The following STXBP6 variants were observed in gnomAD, a reference collection of about 807,000 sequenced individuals.
STXBP6 encodes syntaxin-binding protein 6.
A neutral mutation model predicts 26.9 loss-of-function variants in STXBP6; 21 were observed. The observed-to-expected ratio is 0.78, with a 90% CI of 0.55 to 1.12. The LOEUF (loss-of-function observed/expected upper bound fraction) is 1.12, where lower values mean the gene tolerates loss of function less well. Among genes scored for constraint, STXBP6 ranks in the 50% most tolerant of loss-of-function variants. STXBP6 has a pLI of 0.00. For synonymous variants in STXBP6, 97 were observed against 92.6 expected, an observed-to-expected ratio of 1.05 and a Z score of -0.27; for missense variants, 232 against 257.9, an observed-to-expected ratio of 0.90 and a Z score of 0.69.
At chr14:24,969,393 A>C (rs979957950) in intron 2 of STXBP6, among the ~76,000 whole-genome samples, 2 of 152,232 alleles carry the variant, frequency 1.3e-5, no homozygotes, top group African/African-American at 2.4e-5. Context: ...TTTAAACATG[A>C]AATTACAGAA....
At chr14:24,817,912 G>C in intron 5 of STXBP6, 1 of 391,650 alleles carries the variant, frequency 2.6e-6, no homozygotes, top group South Asian at 1.9e-5. Flanking sequence ...CTGTGCAAAG[G>C]GGATGCAGGA....
chr14:25,009,584 A>G (rs2074984666), intron 1 of STXBP6, among the ~76,000 whole-genome samples: 1 of 152,196 alleles, frequency 6.6e-6, no homozygotes, highest in Non-Finnish European at 1.5e-5. Context: ...CAAAGTGAGG[A>G]GCACGCCATC....
At chr14:24,981,032 T>G (rs2074177829) in intron 1 of STXBP6, among the ~76,000 whole-genome samples, 1 of 152,212 alleles carries the variant, frequency 6.6e-6, no homozygotes, top group Admixed American at 6.5e-5. Flanking sequence ...AGCCACTATC[T>G]TTGGGTTTTC....
chr14:25,005,753 G>T lies in STXBP6; in HGVS notation c.-32-30903C>A, dbSNP rs1024904868. Among the ~76,000 whole-genome samples, 5 of 150,244 alleles carry T rather than the reference G, an allele frequency of 3.3e-5. 1 individual carries two copies. The South Asian group carries it at 8.4e-4, about 25-fold the overall frequency. ...AAGTGATGAAAAAATAAAATACATA[G>T]CATAGTGAACTGTAAAAAATAATTC... On this transcript the variant is annotated intron_variant, in intron 1 of 5. Transcript: ENST00000323944.
Position 25,049,987 on chromosome 14 carries a change from G to A in STXBP6, c.-142C>T, listed in dbSNP as rs1225427640. ...CGCGGGGCTCCGGGCTCCGGACAAG[G>A]CTTAGCCGGCCCGGGTGCTGGCTCG... On this transcript the variant is annotated 5_prime_UTR_variant, in exon 1 of 6. Transcript: ENST00000323944. The surrounding 1 kb of genome is among the most constrained non-coding windows in gnomAD (Gnocchi z 5.6). 5 of 627,340 alleles carry A rather than the reference G, an allele frequency of 8.0e-6. No homozygotes were observed. Among genetic ancestry groups the A allele is most frequent in the Middle Eastern group, 8.0e-4 (1 of 1,256 alleles). 38.9% of individuals were successfully genotyped at this position (627,340 alleles called of 1,614,324 possible).
rs534791195 is a variant in STXBP6 at position 24,853,296 on chromosome 14, T to C, written c.451+2640A>G. Among the ~76,000 whole-genome samples the C allele has an allele frequency of 2.0e-5, 3 of 152,228 alleles. No individual in the cohort carries two copies. The South Asian group carries it at 6.2e-4, about 32-fold the overall frequency. On this transcript the variant is annotated intron_variant, in intron 4 of 5. Transcript: ENST00000323944. ...TTTGAAGTCTCAGAAGTGTGATAGC[T>C]GGCAGAAAAGAAGACTAATCGGCAT...
At chr14:24,945,119 T>C (rs1396369619) in intron 2 of STXBP6, among the ~76,000 whole-genome samples, 2 of 141,406 alleles carry the variant, frequency 1.4e-5, no homozygotes, top group Non-Finnish European at 3.1e-5. Context: ...AACTTTGGCA[T>C]GTATATGAAC....
intron 2 of STXBP6, among the ~76,000 whole-genome samples, chr14:24,897,719 TA>T (rs1424669869): frequency 3.0e-4 from 46 of 152,284 alleles, no homozygotes; most frequent in Non-Finnish European, 5.9e-5. Flanking sequence ...AGAGGTTTAG[TA>T]GGCTCTTGAT....
At chr14:25,028,386 T>C (rs902441395) in intron 1 of STXBP6, among the ~76,000 whole-genome samples, 2 of 152,140 alleles carry the variant, frequency 1.3e-5, no homozygotes, top group African/African-American at 4.8e-5. Context: ...CCCTTAAGCA[T>C]TATCCTAAAT....
chr14:24,907,294 A>G (rs577103457), intron 2 of STXBP6, among the ~76,000 whole-genome samples: 2 of 152,168 alleles, frequency 1.3e-5, no homozygotes, highest in Non-Finnish European at 2.9e-5. Flanking sequence ...TATAGTCATT[A>G]TGTGTCAATA....
intron 1 of STXBP6, among the ~76,000 whole-genome samples, chr14:25,001,634 T>C (rs1310358976): frequency 6.6e-6 from 1 of 152,256 alleles, no homozygotes; most frequent in East Asian, 1.9e-4. Context: ...GCATGTTGTC[T>C]ATTTTTTTCC....
At chr14:24,886,875 G>A (rs1243313400) in intron 2 of STXBP6, among the ~76,000 whole-genome samples, 1 of 152,176 alleles carries the variant, frequency 6.6e-6, no homozygotes, top group East Asian at 1.9e-4. Flanking sequence ...AAGCATTGTA[G>A]AATATCTTGC....
intron 2 of STXBP6, among the ~76,000 whole-genome samples, chr14:24,970,589 A>G (rs1487021704): frequency 6.6e-6 from 1 of 152,186 alleles, no homozygotes; most frequent in African/African-American, 2.4e-5. Flanking sequence ...GTAGTATTCC[A>G]CTGCAAAAAT....
At chr14:24,912,769 T>C (rs970299973) in intron 2 of STXBP6, among the ~76,000 whole-genome samples, 3 of 152,220 alleles carry the variant, frequency 2.0e-5, no homozygotes, top group African/African-American at 7.2e-5. Flanking sequence ...AGAAGCTTTA[T>C]AGAACATGGA....
At chr14:24,943,689 T>C (rs907691943) in intron 2 of STXBP6, among the ~76,000 whole-genome samples, 12 of 152,194 alleles carry the variant, frequency 7.9e-5, no homozygotes, top group African/African-American at 2.2e-4. Context: ...TGAATATATT[T>C]AATAAAATGT....
At chr14:24,853,637 A>G (rs2139151352) in intron 4 of STXBP6, among the ~76,000 whole-genome samples, 1 of 152,228 alleles carries the variant, frequency 6.6e-6, no homozygotes, top group East Asian at 1.9e-4. Context: ...GGGAAAACTG[A>G]AGTCTAGAGC....
chr14:24,856,928 C>T (rs2139181187), intron 3 of STXBP6, 99 bp downstream of exon 3: 2 of 1,414,436 alleles, frequency 1.4e-6, no homozygotes, highest in Non-Finnish European at 9.5e-7. Context: ...AAATAGCCTT[C>T]TTAAGAATGA....
chr14:25,036,629 C>A (rs1342430375), intron 1 of STXBP6, among the ~76,000 whole-genome samples: 1 of 151,942 alleles, frequency 6.6e-6, no homozygotes, highest in Non-Finnish European at 1.5e-5. Flanking sequence ...CTGAGGCGGG[C>A]CGATCGTGAA....
chr14:25,018,546 T>A lies in STXBP6; in HGVS notation c.-33+31332A>T, dbSNP rs188498665. Reference sequence around the variant, plus strand: ...GTTAGGGCACTCTCCTGACACTCTATCTCTTTCTCCCCATCTTTCCACACT... The same window carrying A: ...GTTAGGGCACTCTCCTGACACTCTAACTCTTTCTCCCCATCTTTCCACACT... On this transcript the variant is annotated intron_variant, in intron 1 of 5. Coordinates refer to ENST00000323944, the MANE Select transcript of STXBP6 (RefSeq NM_001394410.1). Among the ~76,000 whole-genome samples the A allele has an allele frequency of 1.2e-4, 18 of 152,298 alleles. No homozygotes were observed. In the East Asian group the frequency reaches 2.3e-3, roughly 20 times the overall value.
Sources: allele counts gnomAD v4.1 joint callset (sites outside exome capture counted in the v4.1 genomes callset), GRCh38; gene constraint gnomAD v4.1.1; non-coding constraint Gnocchi (gnomAD v3.1); transcripts MANE v1.5; gene names NCBI Gene and HGNC (gene_info 2026-07-23, HGNC 2026-07-21).